The following TRABD2B variants were observed in gnomAD, a reference collection of about 807,000 sequenced individuals.
TRABD2B encodes TraB domain containing 2B.
In TRABD2B, 14 loss-of-function variants were observed where a neutral mutation model predicts 40.1. That is an observed-to-expected ratio of 0.35 (90% CI 0.23 to 0.55). The LOEUF (loss-of-function observed/expected upper bound fraction) is 0.55. Among genes scored for constraint, TRABD2B ranks in the 20% least tolerant of loss-of-function variants. The pLI is 0.90. For synonymous variants in TRABD2B, 263 were observed against 277.0 expected (o/e 0.95, Z 0.50); for missense variants, 541 against 648.6 (o/e 0.83, Z 1.80).
chr1:47,974,188 G>A (rs1307722575), intron 2 of TRABD2B, among the ~76,000 whole-genome samples: 1 of 152,048 alleles, frequency 6.6e-6, no homozygotes, highest in Non-Finnish European at 1.5e-5. Context: ...TCCAAGTACT[G>A]TCCTATTACC....
rs1276878556 is a variant in TRABD2B, at chr1:47,766,077, A to G, written c.1379T>C (p.Leu460Pro). ...GGTCCCCGAGCTGTGGGTGGGCTGC[A>G]GGGGCAGCGGGGGTGGTGAGGCGGT... ...STTASPPPLP[L>P]QPTHSSGTAK... is the part of the protein sequence containing the mutation. Residue 460 changes from leucine (L) to proline (P), a missense_variant, in exon 7 of 7, where the codon CTG becomes CCG. This residue lies in a region of TRABD2B where 172 missense variants were observed against 155.8 expected (regional missense o/e 1.10). Coordinates refer to ENST00000606738, the MANE Select transcript of TRABD2B (RefSeq NM_001194986.2). The G allele has an allele frequency of 1.3e-5, 9 of 700,210 alleles. No homozygotes were observed. The allele number at this position is 700,210 out of a possible 1,614,324, so 43.4% of individuals were successfully genotyped here.
chr1:47,807,500 A>C (rs1016455392), intron 2 of TRABD2B, among the ~76,000 whole-genome samples: 1 of 152,220 alleles, frequency 6.6e-6, no homozygotes, highest in African/African-American at 2.4e-5. Flanking sequence ...TGTTGAAAGC[A>C]AAGAGAATAC....
intron 2 of TRABD2B, among the ~76,000 whole-genome samples, chr1:47,851,427 T>C (rs1319550476): frequency 6.6e-6 from 1 of 152,124 alleles, no homozygotes. Flanking sequence ...TATGTGAACC[T>C]GCGGGGTGGT....
chr1:47,875,420 C>T (rs1644209123), intron 2 of TRABD2B, among the ~76,000 whole-genome samples: 1 of 151,728 alleles, frequency 6.6e-6, no homozygotes, highest in East Asian at 1.9e-4. Context: ...GGCGTGGTGG[C>T]TCATGCCTGT....
At chr1:47,937,215 A>G (rs1198092102) in intron 2 of TRABD2B, among the ~76,000 whole-genome samples, 1 of 151,046 alleles carries the variant, frequency 6.6e-6, no homozygotes, top group Non-Finnish European at 1.5e-5. Context: ...CACCACTACC[A>G]TGATCATCAC....
chr1:47,930,520 G>A (rs1645026538), intron 2 of TRABD2B, among the ~76,000 whole-genome samples: 1 of 152,074 alleles, frequency 6.6e-6, no homozygotes, highest in Admixed American at 6.6e-5. Flanking sequence ...TGCTCTGCCT[G>A]CCCTCCTCCC....
At chr1:47,801,832 T>A (rs568834448) in intron 2 of TRABD2B, among the ~76,000 whole-genome samples, 108 of 152,296 alleles carry the variant, frequency 7.1e-4, no homozygotes, top group Middle Eastern at 3.4e-3. Context: ...CCTCCAGCCC[T>A]TTGCCCACAC....
chr1:47,874,548 A>G (rs1246650248), intron 2 of TRABD2B, among the ~76,000 whole-genome samples: 1 of 148,400 alleles, frequency 6.7e-6, no homozygotes, highest in Admixed American at 6.7e-5. Context: ...CTGGGATTAC[A>G]GGCGTGAGCC....
Position 47,883,206 on chromosome 1 carries a change from T to A in TRABD2B, c.667-81587A>T, listed in dbSNP as rs183823104. 7.3e-4 allele frequency among the ~76,000 whole-genome samples: 111 copies of A among 152,302 alleles called. 1 individual carries two copies. The highest frequency in any genetic ancestry group is 2.6e-3 in the African/African-American group (109 of 41,576). ...CGGAGGTTCAGAGATACTAAATACC[T>A]TGTCCAAGGCCACACCTGGGTTAAG... On this transcript the variant is annotated intron_variant, in intron 2 of 6. Coordinates refer to ENST00000606738, the MANE Select transcript of TRABD2B (RefSeq NM_001194986.2).
chr1:47,842,616 G>T (rs1236684690), intron 2 of TRABD2B, among the ~76,000 whole-genome samples: 2 of 152,210 alleles, frequency 1.3e-5, no homozygotes, highest in East Asian at 3.9e-4. Context: ...TCAGTCCCCA[G>T]TGTGGGCACT....
intron 2 of TRABD2B, among the ~76,000 whole-genome samples, chr1:47,844,201 T>A (rs892282343): frequency 6.6e-6 from 1 of 152,226 alleles, no homozygotes; most frequent in East Asian, 1.9e-4. Flanking sequence ...AAAAGTGATA[T>A]AAGCCTCTGA....
intron 3 of TRABD2B, among the ~76,000 whole-genome samples, chr1:47,798,115 T>C (rs1644772805): frequency 6.6e-6 from 1 of 152,094 alleles, no homozygotes; most frequent in African/African-American, 2.4e-5. Flanking sequence ...CTCCTCTTGA[T>C]GAGGGTCACA....
In TRABD2B at chr1:47,883,137, T is replaced by C. The variant is rs561218798; in HGVS notation, c.667-81518A>G. ...TCTTACCCACTCTTTACAACATCCC[T>C]ATCAGCTCTCTGCCTCCATATACCC... On this transcript the variant is annotated intron_variant, in intron 2 of 6. Coordinates refer to ENST00000606738, the MANE Select transcript of TRABD2B (RefSeq NM_001194986.2). Among the ~76,000 whole-genome samples, 26 of 152,320 alleles carry C rather than the reference T, an allele frequency of 1.7e-4. No individual in the cohort carries two copies. The South Asian group carries it at 2.1e-3, about 12-fold the overall frequency.
intron 2 of TRABD2B, among the ~76,000 whole-genome samples, chr1:47,877,876 C>CAGCTA (rs1644246671): frequency 6.6e-6 from 1 of 151,826 alleles, no homozygotes; most frequent in South Asian, 2.1e-4. Flanking sequence ...CCTATAGTCC[C>CAGCTA]AGCTACTCGG....
intron 2 of TRABD2B, among the ~76,000 whole-genome samples, chr1:47,888,870 C>G (rs184819677): frequency 6.6e-6 from 1 of 152,324 alleles, no homozygotes; most frequent in African/African-American, 2.4e-5. Context: ...ACTGGGAATA[C>G]TCACATTGGA....
intron 2 of TRABD2B, among the ~76,000 whole-genome samples, chr1:47,833,471 T>C (rs889607291): frequency 2.0e-5 from 3 of 152,216 alleles, no homozygotes; most frequent in Admixed American, 6.5e-5. Flanking sequence ...TGGTCAAAGA[T>C]CTGGCTGGGG....
At chr1:47,858,057 G>A (rs1303358274) in intron 2 of TRABD2B, among the ~76,000 whole-genome samples, 1 of 151,778 alleles carries the variant, frequency 6.6e-6, no homozygotes, top group African/African-American at 2.4e-5. Flanking sequence ...AGTTATTATT[G>A]TTAATCTCAC....
intron 3 of TRABD2B, among the ~76,000 whole-genome samples, chr1:47,797,154 A>G (rs781670826): frequency 3.3e-5 from 5 of 152,228 alleles, no homozygotes; most frequent in Non-Finnish European, 5.9e-5. Flanking sequence ...AGAACCAGAA[A>G]GTGACTTGGC....
At chr1:47,987,579 C>G (rs1439349239) in intron 2 of TRABD2B, among the ~76,000 whole-genome samples, 1 of 152,282 alleles carries the variant, frequency 6.6e-6, no homozygotes, top group East Asian at 1.9e-4. Context: ...GCTCCTGCTT[C>G]TGTGTGTGTT....
Sources: allele counts gnomAD v4.1 joint callset (sites outside exome capture counted in the v4.1 genomes callset), GRCh38; gene constraint gnomAD v4.1.1; regional missense constraint gnomAD v4.1.1; transcripts MANE v1.5; gene names NCBI Gene and HGNC (gene_info 2026-07-23, HGNC 2026-07-21).